Variants in PCDH15 observed in about 807,000 individuals in gnomAD.
PCDH15 encodes the protein protocadherin related 15.
Under a neutral mutation model 178.5 loss-of-function variants are expected in PCDH15, and 129 were observed. The observed-to-expected ratio is 0.72, with a 90% confidence interval of 0.63 to 0.84. The LOEUF (loss-of-function observed/expected upper bound fraction) is 0.84. PCDH15 is among the 40% of genes least tolerant of loss of function. The pLI, the probability that PCDH15 is intolerant of heterozygous loss-of-function variation, is 0.00. For synonymous variants in PCDH15, 800 were observed against 732.0 expected (o/e 1.09, Z -1.50); for missense variants, 2,230 against 2,099.9 (o/e 1.06, Z -1.21).
chr10:54,221,077 C>CA (rs2052754560), intron 9 of PCDH15, among the ~76,000 whole-genome samples: 1 of 151,978 alleles, frequency 6.6e-6, no homozygotes, highest in Admixed American at 6.6e-5. Flanking sequence ...CCTGTAGTCC[C>CA]ACCTACTGGG....
chr10:55,142,699 C>T (rs943251857), intron 2 of PCDH15, among the ~76,000 whole-genome samples: 5 of 151,038 alleles, frequency 3.3e-5, no homozygotes, highest in African/African-American at 1.2e-4. Flanking sequence ...TATTTCCAAG[C>T]ATTTTTCTCA....
At chr10:54,030,588 A>G (rs1406052575) in intron 18 of PCDH15, among the ~76,000 whole-genome samples, 1 of 152,086 alleles carries the variant, frequency 6.6e-6, no homozygotes, top group Non-Finnish European at 1.5e-5. Flanking sequence ...AACCAGAATG[A>G]ATAGCTTTTC....
chr10:54,853,287 GTGTATATA>G (rs1413980288), intron 3 of PCDH15, among the ~76,000 whole-genome samples: 3 of 56,568 alleles, frequency 5.3e-5, no homozygotes, highest in African/African-American at 1.4e-4. Context: ...GTATGTATGT[GTGTATATA>G]TATATATATA....
chr10:54,137,701 A>G (rs1335074155), intron 14 of PCDH15, among the ~76,000 whole-genome samples: 1 of 152,182 alleles, frequency 6.6e-6, no homozygotes, highest in Non-Finnish European at 1.5e-5. Flanking sequence ...AACTGTAGTC[A>G]GTCAGTGAGT....
chr10:55,525,510 T>C (rs1439083668), intron 2 of PCDH15, among the ~76,000 whole-genome samples: 1 of 151,876 alleles, frequency 6.6e-6, no homozygotes, highest in Non-Finnish European at 1.5e-5. Context: ...AAATCATATG[T>C]TATCAAAATA....
intron 21 of PCDH15, among the ~76,000 whole-genome samples, chr10:53,968,195 G>A (rs1348031155): frequency 6.6e-6 from 1 of 152,188 alleles, no homozygotes; most frequent in Non-Finnish European, 1.5e-5. Flanking sequence ...CGGCCCACCA[G>A]GAGATTATAT....
chr10:53,872,667 C>T (rs947829613), intron 26 of PCDH15, among the ~76,000 whole-genome samples: 2 of 152,154 alleles, frequency 1.3e-5, no homozygotes, highest in Non-Finnish European at 2.9e-5. Flanking sequence ...TCCATGGTCT[C>T]TGAGTTTCAC....
At chr10:53,995,363 C>T (rs1272726377) in intron 21 of PCDH15, 43 of 448,370 alleles carry the variant, frequency 9.6e-5, no homozygotes. Context: ...GTGAAGCTTA[C>T]AAATGGAGAC....
intron 2 of PCDH15, among the ~76,000 whole-genome samples, chr10:55,415,551 T>A (rs1414400201): frequency 6.6e-6 from 1 of 151,718 alleles, no homozygotes; most frequent in Non-Finnish European, 1.5e-5. Context: ...CTTTTCTAAG[T>A]ATGCTAAACA....
At chr10:53,888,297 T>TATATACAC (rs2081252654) in intron 26 of PCDH15, among the ~76,000 whole-genome samples, 1 of 73,610 alleles carries the variant, frequency 1.4e-5, no homozygotes, top group African/African-American at 5.3e-5. Flanking sequence ...TATACATATA[T>TATATACAC]ATATATATAT....
intron 2 of PCDH15, among the ~76,000 whole-genome samples, chr10:55,564,256 A>C (rs892899438): frequency 2.0e-5 from 3 of 151,438 alleles, no homozygotes; most frequent in African/African-American, 7.3e-5. Flanking sequence ...AAAAATGTGA[A>C]TGAAGATGTT....
At chr10:54,715,024 A>G (rs2095463633) in intron 1 of PCDH15, among the ~76,000 whole-genome samples, 1 of 152,110 alleles carries the variant, frequency 6.6e-6, no homozygotes, top group Non-Finnish European at 1.5e-5. Flanking sequence ...TATTAAGCAC[A>G]TATTTGTTTG....
At chr10:53,870,918 T>C (rs2079796676) in intron 26 of PCDH15, among the ~76,000 whole-genome samples, 1 of 152,142 alleles carries the variant, frequency 6.6e-6, no homozygotes, top group Non-Finnish European at 1.5e-5. Context: ...AAGTGAGAGT[T>C]TCAGCACAGA....
At chr10:54,012,783 C>T (rs1246609840) in intron 20 of PCDH15, among the ~76,000 whole-genome samples, 1 of 152,152 alleles carries the variant, frequency 6.6e-6, no homozygotes, top group East Asian at 1.9e-4. Context: ...CTTATAAGAG[C>T]TCCTGAAAGG....
chr10:55,471,185 C>A (rs903629808), intron 2 of PCDH15, among the ~76,000 whole-genome samples: 4 of 152,102 alleles, frequency 2.6e-5, no homozygotes, highest in Admixed American at 2.6e-4. Context: ...ATAGCTCATA[C>A]TGTTACTCTT....
chr10:54,756,686 G>A (rs1166018214), intron 1 of PCDH15, among the ~76,000 whole-genome samples: 1 of 146,812 alleles, frequency 6.8e-6, no homozygotes, highest in Non-Finnish European at 1.5e-5. Context: ...GTATGTGTAT[G>A]TGTCTTTCTG....
At chr10:53,833,515 G>A (rs2077132254) in intron 29 of PCDH15, among the ~76,000 whole-genome samples, 1 of 151,946 alleles carries the variant, frequency 6.6e-6, no homozygotes, top group Admixed American at 6.6e-5. Context: ...TGCTTCCATT[G>A]CCTTTTGTCA....
At chr10:54,135,223 T>A (rs1266810820) in intron 14 of PCDH15, among the ~76,000 whole-genome samples, 1 of 151,780 alleles carries the variant, frequency 6.6e-6, no homozygotes, top group African/African-American at 2.4e-5. Flanking sequence ...AAAAATTTCA[T>A]GCTTACATTT....
In PCDH15 at chr10:54,174,448, T is replaced by C. The variant is rs138066353; in HGVS notation, c.1590+8996A>G. On this transcript the variant is annotated intron_variant, in intron 13 of 37. Coordinates refer to ENST00000644397, the MANE Select transcript of PCDH15 (RefSeq NM_001384140.1). ...TACTCAGGAGGCTGAGACAGGAGAA[T>C]GGCGTGAACTCGGGAGGCGGAGCTT... Among the ~76,000 whole-genome samples, 1,125 of 151,826 alleles carry C rather than the reference T, an allele frequency of 7.4e-3. 16 individuals carry two copies. The highest frequency in any genetic ancestry group is 0.025 in the African/African-American group (1,045 of 41,412).
Sources: gnomAD v4.1 joint callset for allele counts (sites outside exome capture counted in the v4.1 genomes callset) on GRCh38, gnomAD v4.1.1 for gene constraint, MANE v1.5 for transcripts, NCBI Gene and HGNC (gene_info 2026-07-23, HGNC 2026-07-21) for gene names.